The following KCNAB1 variants were observed in gnomAD, a reference collection of about 807,000 sequenced individuals.
The protein encoded by KCNAB1 is voltage-gated potassium channel subunit beta-1.
KCNAB1 carries 35 observed loss-of-function variants against 64.6 expected under a neutral mutation model. The ratio of observed to expected loss-of-function variants is 0.54; its 90% CI spans 0.41 to 0.72. The LOEUF (loss-of-function observed/expected upper bound fraction) is 0.72, where lower values mean the gene tolerates loss of function less well. Ranked by LOEUF, KCNAB1 falls within the 30% of genes least tolerant of loss-of-function variation. The pLI, the probability that KCNAB1 is intolerant of heterozygous loss-of-function variation, is 0.00. For synonymous variants in KCNAB1, 177 were observed against 183.8 expected, an observed-to-expected ratio of 0.96 and a Z score of 0.30; for missense variants, 401 against 512.9, an observed-to-expected ratio of 0.78 and a Z score of 2.11.
At chr3:156,335,852 G>GTTT (rs1560202405) in intron 1 of KCNAB1, among the ~76,000 whole-genome samples, 2 of 114,834 alleles carry the variant, frequency 1.7e-5, no homozygotes, top group African/African-American at 9.9e-5. Context: ...AAATTGTTTG[G>GTTT]GTTTTTTTTT....
chr3:156,312,216 T>C (rs1293499782), intron 1 of KCNAB1, among the ~76,000 whole-genome samples: 2 of 152,210 alleles, frequency 1.3e-5, no homozygotes, highest in African/African-American at 2.4e-5. Context: ...CGACAGGTAT[T>C]GTGACTATAT....
chr3:156,127,468 A>G (rs552874142), intron 1 of KCNAB1, among the ~76,000 whole-genome samples: 44 of 152,222 alleles, frequency 2.9e-4, no homozygotes, highest in Non-Finnish European at 5.9e-4. Context: ...TTTTAGTTAT[A>G]TGCTAGAAAG....
At chr3:156,353,784 G>A (rs967722646) in intron 1 of KCNAB1, among the ~76,000 whole-genome samples, 1 of 152,238 alleles carries the variant, frequency 6.6e-6, no homozygotes, top group Non-Finnish European at 1.5e-5. Flanking sequence ...CAGAGAGGGC[G>A]AGCCTGAAAG....
chr3:156,300,073 G>T (rs1488285082), intron 1 of KCNAB1, among the ~76,000 whole-genome samples: 1 of 152,146 alleles, frequency 6.6e-6, no homozygotes, highest in Non-Finnish European at 1.5e-5. Flanking sequence ...ACAAGACAAA[G>T]GAGGCACGTG....
Position 156,176,856 on chromosome 3 carries a change from C to G in KCNAB1, c.275+55970C>G, listed in dbSNP as rs1577675088. On this transcript the variant is annotated intron_variant, in intron 1 of 13. Coordinates refer to ENST00000490337, the MANE Select transcript of KCNAB1 (RefSeq NM_172160.3). The stretch of plus-strand genomic sequence containing the variant: ...TCCCAACAGCAACTCATGCCGCTGC[C>G]GCTTGACTGGGACCAGCGGTAACTC... 2.0e-5 allele frequency: 22 copies of G among 1,117,290 alleles called. 1 individual carries two copies. The East Asian group carries it at 4.9e-4, about 25-fold the overall frequency. 69.2% of individuals were successfully genotyped at this position (1,117,290 alleles called of 1,614,324 possible). A position where few individuals can be genotyped will look rare whatever the true frequency, so the allele number is the denominator to read the frequency against.
At chr3:156,225,518 G>A (rs1716098965) in intron 1 of KCNAB1, among the ~76,000 whole-genome samples, 4 of 152,104 alleles carry the variant, frequency 2.6e-5, no homozygotes, top group Admixed American at 2.0e-4. Context: ...AACAAGACAA[G>A]GATGCCCACT....
intron 1 of KCNAB1, among the ~76,000 whole-genome samples, chr3:156,228,929 G>C (rs1716349628): frequency 6.6e-6 from 1 of 152,190 alleles, no homozygotes; most frequent in South Asian, 2.1e-4. Context: ...CTGAACCCCA[G>C]CGGAGACTAG....
rs925966951 is a variant in KCNAB1 at position 156,292,634 on chromosome 3, T to A, written c.276-128982T>A. On this transcript the variant is annotated intron_variant, in intron 1 of 13. Coordinates refer to ENST00000490337, the MANE Select transcript of KCNAB1 (RefSeq NM_172160.3). ...CTCTGTCGCCTGGGAAATAGCCTCC[T>A]GGGTTCAAGCGATTCTCCTGCCTTA... Among the ~76,000 whole-genome samples the A allele has an allele frequency of 2.0e-5, 3 of 152,156 alleles. No homozygotes were observed. In the East Asian group the frequency reaches 5.8e-4, roughly 29 times the overall value.
At chr3:156,253,896 G>A (rs1417505422) in intron 1 of KCNAB1, among the ~76,000 whole-genome samples, 2 of 152,202 alleles carry the variant, frequency 1.3e-5, no homozygotes, top group Non-Finnish European at 2.9e-5. Flanking sequence ...AAACATGGAG[G>A]CCATGCCCCC....
chr3:156,367,342 AT>A (rs35405893), intron 1 of KCNAB1, among the ~76,000 whole-genome samples: 2,074 of 145,956 alleles, frequency 0.014, 16 homozygotes, highest in South Asian at 0.032. Context: ...CGCCCAGCTA[AT>A]TTTTTTTTTT....
rs184275867 is a variant in KCNAB1 at position 156,218,844 on chromosome 3, T to C, written c.275+97958T>C. Among the ~76,000 whole-genome samples, 3 of 136,072 alleles carry C rather than the reference T, an allele frequency of 2.2e-5. No individual in the cohort carries two copies. The East Asian group carries it at 6.6e-4, about 30-fold the overall frequency. The allele number at this position is 136,072 out of a possible 152,430, so 89.3% of individuals were successfully genotyped here. A position where few individuals can be genotyped will look rare whatever the true frequency, so the allele number is the denominator to read the frequency against. Reference sequence around the variant, plus strand: ...ATAAAAATAAATAAATAAATAAATATAAAAAAAATAAAATAAAAATCACTG... The same window carrying C: ...ATAAAAATAAATAAATAAATAAATACAAAAAAAATAAAATAAAAATCACTG... On this transcript the variant is annotated intron_variant, in intron 1 of 13. Coordinates refer to ENST00000490337, the MANE Select transcript of KCNAB1 (RefSeq NM_172160.3).
chr3:156,215,425 T>C (rs185701737), intron 1 of KCNAB1: 2 of 152,360 alleles, frequency 1.3e-5, no homozygotes, highest in East Asian at 3.9e-4. Flanking sequence ...GAATTAAACC[T>C]ATACATCCAG....
At chr3:156,478,948 C>T (rs754923993) in intron 8 of KCNAB1, among the ~76,000 whole-genome samples, 12 of 152,034 alleles carry the variant, frequency 7.9e-5, no homozygotes, top group Non-Finnish European at 1.3e-4. Context: ...AAACTTCATT[C>T]GCAATCTGCA....
chr3:156,320,056 T>A (rs1481944947), intron 1 of KCNAB1, among the ~76,000 whole-genome samples: 3 of 152,128 alleles, frequency 2.0e-5, no homozygotes, highest in Non-Finnish European at 1.5e-5. Flanking sequence ...AAATGAAGTG[T>A]TTTCAGGTAC....
At chr3:156,472,626 T>G (rs1422947327) in intron 7 of KCNAB1, among the ~76,000 whole-genome samples, 1 of 152,150 alleles carries the variant, frequency 6.6e-6, no homozygotes. Flanking sequence ...ATCAAGAAAG[T>G]GCTTTTCAGA....
At chr3:156,363,569 G>A (rs965172818) in intron 1 of KCNAB1, among the ~76,000 whole-genome samples, 5 of 151,914 alleles carry the variant, frequency 3.3e-5, no homozygotes, top group Admixed American at 3.3e-4. Context: ...TCTGCCTCCT[G>A]GGTTCAAGAG....
chr3:156,162,134 C>T (rs1030207867), intron 1 of KCNAB1, among the ~76,000 whole-genome samples: 1 of 152,158 alleles, frequency 6.6e-6, no homozygotes, highest in African/African-American at 2.4e-5. Flanking sequence ...GGGCACATAA[C>T]AGCCTTTGAA....
chr3:156,177,882 C>A (rs1045656050), intron 1 of KCNAB1, among the ~76,000 whole-genome samples: 2 of 151,858 alleles, frequency 1.3e-5, no homozygotes, highest in Admixed American at 6.6e-5. Flanking sequence ...GGATTATAGG[C>A]GCCCGCCATC....
At chr3:156,238,378 C>T (rs993404354) in intron 1 of KCNAB1, among the ~76,000 whole-genome samples, 1 of 146,686 alleles carries the variant, frequency 6.8e-6, no homozygotes, top group African/African-American at 2.6e-5. Context: ...GCCGAGATCA[C>T]GCCACTGCAC....
Sources: gnomAD v4.1 joint callset for allele counts (sites outside exome capture counted in the v4.1 genomes callset) on GRCh38, gnomAD v4.1.1 for gene constraint, MANE v1.5 for transcripts, NCBI Gene and HGNC (gene_info 2026-07-23, HGNC 2026-07-21) for gene names.